PIGG: variants seen among roughly 807,000 people sequenced by gnomAD.
The protein encoded by PIGG is phosphatidylinositol glycan anchor biosynthesis class G (EMM blood group).
In PIGG, 70 loss-of-function variants were observed where a neutral mutation model predicts 83.2. That is an observed-to-expected ratio of 0.84 (90% CI 0.69 to 1.03). The LOEUF (loss-of-function observed/expected upper bound fraction) is 1.03, where lower values mean the gene tolerates loss of function less well. Ranked by LOEUF, PIGG falls within the 50% of genes least tolerant of loss-of-function variation. PIGG has a pLI of 0.00. For missense variants in PIGG, 1,257 were observed against 1,233.6 expected (o/e 1.02, Z -0.28); for synonymous variants, 532 against 519.5 (o/e 1.02, Z -0.33).
At chr4:507,709 G>A in intron 4 of PIGG, 116 bp downstream of exon 4, 1 of 887,588 alleles carries the variant, frequency 1.1e-6, no homozygotes, top group Non-Finnish European at 1.7e-6. Flanking sequence ...CCATCAGTCT[G>A]CTAGCCAGGG....
At chr4:536,025 G>A (rs943127154) in intron 12 of PIGG, among the ~76,000 whole-genome samples, 1 of 152,234 alleles carries the variant, frequency 6.6e-6, no homozygotes, top group East Asian at 1.9e-4. Flanking sequence ...ACCCGTGCCT[G>A]CCTTTGAGCT....
intron 5 of PIGG, among the ~76,000 whole-genome samples, chr4:512,675 T>A (rs1254507215): frequency 6.6e-6 from 1 of 151,414 alleles, no homozygotes; most frequent in Non-Finnish European, 1.5e-5. Flanking sequence ...ATTAGCCAGA[T>A]GTGGTGGTGG....
At chr4:501,230 T>A in intron 2 of PIGG, 1 of 444,204 alleles carries the variant, frequency 2.3e-6, no homozygotes, top group Non-Finnish European at 4.5e-6. Context: ...GATACTTCAA[T>A]GGGTATGCAA....
chr4:517,275 G>C (rs571757735), intron 6 of PIGG, among the ~76,000 whole-genome samples: 1 of 152,098 alleles, frequency 6.6e-6, no homozygotes, highest in South Asian at 2.1e-4. Context: ...GAGAGGTGAG[G>C]GTGGCCAGGG....
At chr4:507,663 C>T (rs567854224) in intron 4 of PIGG, 70 bp downstream of exon 4, 36 of 1,325,096 alleles carry the variant, frequency 2.7e-5, no homozygotes, top group African/African-American at 8.8e-5. Context: ...TAAATGCAAC[C>T]GCCTGAGTTA....
chr4:518,613 T>C (rs1253893701), intron 6 of PIGG, among the ~76,000 whole-genome samples: 4 of 151,942 alleles, frequency 2.6e-5, no homozygotes, highest in African/African-American at 7.2e-5. Context: ...ACAAAAAAGA[T>C]ACCAACAAAA....
chr4:513,210 C>T (rs930094832), intron 5 of PIGG, among the ~76,000 whole-genome samples: 1 of 152,188 alleles, frequency 6.6e-6, no homozygotes, highest in African/African-American at 2.4e-5. Flanking sequence ...AAATGTTTAC[C>T]ACTTATGCTT....
chr4:509,180 A>G (rs1257467703), intron 5 of PIGG, among the ~76,000 whole-genome samples: 1 of 152,174 alleles, frequency 6.6e-6, no homozygotes, highest in Non-Finnish European at 1.5e-5. Flanking sequence ...CTTTGTCAGA[A>G]TTTTGTTGTA....
At chr4:518,589 T>C (rs748526702) in intron 6 of PIGG, among the ~76,000 whole-genome samples, 12 of 151,990 alleles carry the variant, frequency 7.9e-5, no homozygotes, top group Admixed American at 1.3e-4. Context: ...CGAGACTCCA[T>C]CTCAAAAAAC....
At chr4:535,642 A>G (rs13106068) in intron 12 of PIGG, among the ~76,000 whole-genome samples, 28,511 of 151,938 alleles carry the variant, frequency 0.19, 3,233 homozygotes, top group African/African-American at 0.32. Flanking sequence ...CCATGACTGA[A>G]CCGTCGCTCT....
In PIGG at chr4:499,339, C is replaced by T; in HGVS notation, c.4C>T (p.Arg2Trp). 1 of 1,607,492 alleles carries T rather than the reference C, an allele frequency of 6.2e-7. No homozygotes were observed. Residue 2 changes from arginine (R) to tryptophan (W), a missense_variant, in exon 1 of 13, where the codon CGG becomes TGG. By Grantham distance (101) the Arg-to-Trp change is moderately radical. Coordinates refer to ENST00000453061, the MANE Select transcript of PIGG (RefSeq NM_001127178.3). The part of the protein sequence containing the change: M[R>W]LGSGTFATCC... ...CATCCAGCCTAGCGTGTCCACGATG[C>T]GGCTGGGCTCCGGGACTTTCGCTAC...
chr4:533,915 G>C lies in PIGG; in HGVS notation c.2669G>C (p.Gly890Ala). The C allele has an allele frequency of 4.3e-6, 7 of 1,614,186 alleles. No homozygotes were observed. The highest frequency in any genetic ancestry group is 5.9e-6 in the Non-Finnish European group (7 of 1,180,018). ...CCAGCCGTGCTCCTGACAGCGTTTG[G>C]GACGTACGCAGGGCCTGTGCTGTGG... Reference protein sequence around the residue: ...EIPAVLLTAFGTYAGPVLWAS... With the variant: ...EIPAVLLTAFATYAGPVLWAS... Residue 890 changes from glycine to alanine, a missense_variant, in exon 12 of 13, where the codon GGG becomes GCG. Physicochemically the swap from Gly to Ala is moderately conservative, Grantham distance 60. Transcript: ENST00000453061.
intron 12 of PIGG, among the ~76,000 whole-genome samples, chr4:534,628 C>T (rs1270583017): frequency 2.6e-5 from 4 of 152,256 alleles, no homozygotes; most frequent in Non-Finnish European, 5.9e-5. Flanking sequence ...CTGCCTGGTC[C>T]ACCTCGTTCC....
At chr4:523,266 G>T (rs1726558560) in intron 8 of PIGG, among the ~76,000 whole-genome samples, 193 bp from the exon 9 acceptor site, 1 of 152,252 alleles carries the variant, frequency 6.6e-6, no homozygotes, top group South Asian at 2.1e-4. Flanking sequence ...ACTCCTGCAG[G>T]CTGCGTCCCA....
rs545235905 is a variant in PIGG, at chr4:526,874, A to G, written c.2070-165A>G. ...AGGTTGACCATCTTTTATTTGTTAC[A>G]CTTTAAGAACCTTTGTTTGAAAATA... On this transcript the variant is annotated intron_variant, in intron 9 of 12. Transcript: ENST00000453061. 8 of 812,968 alleles carry G rather than the reference A, an allele frequency of 9.8e-6. No individual in the cohort carries two copies. In the South Asian group the frequency reaches 1.4e-4, roughly 15 times the overall value. The allele number at this position is 812,968 out of a possible 1,614,324, so 50.4% of individuals were successfully genotyped here.
intron 10 of PIGG, chr4:527,600 T>C: frequency 9.9e-7 from 1 of 1,008,942 alleles, no homozygotes; most frequent in Non-Finnish European, 1.2e-6. Context: ...GGTTCTGTTT[T>C]CCTGGTCAGG....
At chr4:519,967 C>T (rs1486570385) in intron 6 of PIGG, among the ~76,000 whole-genome samples, 1 of 149,646 alleles carries the variant, frequency 6.7e-6, no homozygotes, top group Non-Finnish European at 1.5e-5. Context: ...GTGCCTGCAG[C>T]AGTCGGGTGT....
At chr4:501,076 C>G (rs1553875595) in intron 2 of PIGG, 3 of 455,410 alleles carry the variant, frequency 6.6e-6, no homozygotes, top group African/African-American at 6.0e-5. Flanking sequence ...TCAACAATTA[C>G]CACTGTTTCC....
At chr4:505,072 G>A (rs1553877980) in intron 2 of PIGG, among the ~76,000 whole-genome samples, 1 of 152,068 alleles carries the variant, frequency 6.6e-6, no homozygotes, top group Non-Finnish European at 1.5e-5. Context: ...AATCTTAATT[G>A]GGACCTGGCA....
Sources: gnomAD v4.1 joint callset for allele counts (sites outside exome capture counted in the v4.1 genomes callset) on GRCh38, gnomAD v4.1.1 for gene constraint, MANE v1.5 for transcripts, NCBI Gene and HGNC (gene_info 2026-07-23, HGNC 2026-07-21) for gene names.